Variants in PLAC8 observed in about 807,000 individuals in gnomAD.
PLAC8 encodes the protein placenta associated 8.
A neutral mutation model predicts 12.6 loss-of-function variants in PLAC8; 6 were observed. The observed-to-expected ratio is 0.48, with a 90% CI of 0.26 to 0.94. The LOEUF (loss-of-function observed/expected upper bound fraction) is 0.94, where lower values mean the gene tolerates loss of function less well. Among genes scored for constraint, PLAC8 ranks in the 40% least tolerant of loss-of-function variants. PLAC8 has a pLI of 0.14. For synonymous variants in PLAC8, 54 were observed against 52.6 expected, an observed-to-expected ratio of 1.03 and a Z score of -0.11; for missense variants, 122 against 152.7, an observed-to-expected ratio of 0.80 and a Z score of 1.06.
intron 3 of PLAC8, among the ~76,000 whole-genome samples, chr4:83,099,236 C>CT (rs34231782): frequency 5.2e-4 from 77 of 147,274 alleles, no homozygotes; most frequent in Admixed American, 8.1e-4. Context: ...TCAGCTATAA[C>CT]TTTTTTTTTT....
intron 3 of PLAC8, among the ~76,000 whole-genome samples, chr4:83,099,081 A>G (rs540499562): frequency 2.6e-5 from 4 of 152,252 alleles, no homozygotes; most frequent in African/African-American, 9.6e-5. Context: ...AATAATAATT[A>G]TAATTATTAT....
intron 4 of PLAC8, chr4:83,093,627 A>G (rs1359223515): frequency 6.6e-6 from 1 of 152,220 alleles, no homozygotes; most frequent in Non-Finnish European, 1.5e-5. Flanking sequence ...TCACCTATAC[A>G]TCTTACAAGA....
At chr4:83,091,516 A>G (rs1209617041) in intron 4 of PLAC8, among the ~76,000 whole-genome samples, 13 of 152,218 alleles carry the variant, frequency 8.5e-5, no homozygotes, top group Non-Finnish European at 1.0e-4. Context: ...CAAACTATCA[A>G]TATGACTTAT....
intron 3 of PLAC8, among the ~76,000 whole-genome samples, chr4:83,100,247 C>G (rs556838120): frequency 2.0e-5 from 3 of 149,120 alleles, no homozygotes; most frequent in East Asian, 2.0e-4. Context: ...TGCCACTGCA[C>G]TCCAGCCTGG....
chr4:83,113,406 C>T (rs1026621457), intron 1 of PLAC8, among the ~76,000 whole-genome samples: 1 of 152,204 alleles, frequency 6.6e-6, no homozygotes, highest in Admixed American at 6.5e-5. Context: ...ATGCCAGTGG[C>T]CTTGCAGAGC....
intron 3 of PLAC8, among the ~76,000 whole-genome samples, chr4:83,102,378 A>C (rs1732119303): frequency 6.6e-6 from 1 of 152,110 alleles, no homozygotes; most frequent in Non-Finnish European, 1.5e-5. Flanking sequence ...ACCAAAAAAT[A>C]AAAATAAAAA....
At position 83,109,034 on chromosome 4, in the gene PLAC8, C is replaced by G. The variant is rs556404942; in HGVS notation, c.-29-1084G>C. Among the ~76,000 whole-genome samples the G allele has an allele frequency of 1.1e-4, 17 of 152,272 alleles. No individual in the cohort carries two copies. In the South Asian group the frequency reaches 2.5e-3, roughly 22 times the overall value. On this transcript the variant is annotated intron_variant, in intron 1 of 4. Transcript: ENST00000311507. ...CATTTGGTAAGGTTACTCCTCATTT[C>G]TCTACATCATGAGAGGCAGTGTAGG... is the stretch of plus-strand genomic sequence containing the variant.
rs187780634 is a variant in PLAC8 at position 83,101,895 on chromosome 4, G to A, written c.243+3001C>T. Among the ~76,000 whole-genome samples the A allele has an allele frequency of 7.4e-3, 1,124 of 152,260 alleles. 14 individuals carry two copies. Among genetic ancestry groups the A allele is most frequent in the African/African-American group, 0.025 (1,046 of 41,538 alleles). ...ACCACAAAACCTGATGACAGCACGT[G>A]TTGACAGCATTGTTTACCAAATATT... On this transcript the variant is annotated intron_variant, in intron 3 of 4. Coordinates refer to ENST00000311507, the MANE Select transcript of PLAC8 (RefSeq NM_016619.3).
rs377136045 is a variant in PLAC8, at chr4:83,106,262, G to A, written c.119-1242C>T. On this transcript the variant is annotated intron_variant, in intron 2 of 4. Transcript: ENST00000311507. ...GATCTGCCCGCCTTGGCCTCCCAAA[G>A]TGCTGGGATTACAGGTGTGAGCCAC... Among the ~76,000 whole-genome samples the A allele has an allele frequency of 1.5e-3, 226 of 152,006 alleles. 7 individuals are homozygous for A. In the South Asian group the frequency reaches 0.046, roughly 31 times the overall value.
chr4:83,101,672 T>C (rs1732105699), intron 3 of PLAC8, among the ~76,000 whole-genome samples: 1 of 152,252 alleles, frequency 6.6e-6, no homozygotes, highest in South Asian at 2.1e-4. Flanking sequence ...AGTCCGTGCC[T>C]GTATTCAAAG....
At chr4:83,108,523 G>T (rs965139444) in intron 1 of PLAC8, among the ~76,000 whole-genome samples, 1 of 152,196 alleles carries the variant, frequency 6.6e-6, no homozygotes, top group African/African-American at 2.4e-5. Context: ...GAACCGGGAA[G>T]GTGGAGGTTG....
intron 1 of PLAC8, chr4:83,109,979 G>A (rs1163004717): frequency 6.6e-6 from 1 of 152,216 alleles, no homozygotes; most frequent in Admixed American, 6.5e-5. Flanking sequence ...GCTGCCCTCG[G>A]GGGACCATTC....
chr4:83,097,812 G>C (rs1362162562), intron 3 of PLAC8, among the ~76,000 whole-genome samples: 1 of 151,806 alleles, frequency 6.6e-6, no homozygotes, highest in Non-Finnish European at 1.5e-5. Flanking sequence ...AGAAGGCATA[G>C]GAATATGGCT....
chr4:83,099,002 T>A (rs1050514239), intron 3 of PLAC8, among the ~76,000 whole-genome samples: 1 of 152,126 alleles, frequency 6.6e-6, no homozygotes, highest in Non-Finnish European at 1.5e-5. Flanking sequence ...TGTGTAAATG[T>A]GTTATTGGTG....
At chr4:83,098,136 C>T (rs1189808399) in intron 3 of PLAC8, among the ~76,000 whole-genome samples, 2 of 152,068 alleles carry the variant, frequency 1.3e-5, no homozygotes, top group African/African-American at 2.4e-5. Flanking sequence ...GGATTACAGG[C>T]GTGAGCCACC....
intron 1 of PLAC8, among the ~76,000 whole-genome samples, chr4:83,110,259 C>T (rs2126144301): frequency 6.6e-6 from 1 of 150,930 alleles, no homozygotes; most frequent in Non-Finnish European, 1.5e-5. Flanking sequence ...CTCCCCCGCC[C>T]GCTGATTTGA....
intron 3 of PLAC8, among the ~76,000 whole-genome samples, chr4:83,103,343 C>T (rs185895977): frequency 1.1e-3 from 168 of 151,606 alleles, no homozygotes; most frequent in African/African-American, 3.9e-3. Context: ...TGCAGTGAGC[C>T]GAGATCTCAC....
intron 1 of PLAC8, among the ~76,000 whole-genome samples, chr4:83,111,424 T>A (rs1732420599): frequency 6.6e-6 from 1 of 151,476 alleles, no homozygotes; most frequent in Non-Finnish European, 1.5e-5. Context: ...CCTAGCACTT[T>A]GGGAGGCCAA....
intron 2 of PLAC8, among the ~76,000 whole-genome samples, chr4:83,107,178 G>T (rs1213939892): frequency 2.0e-5 from 3 of 150,298 alleles, no homozygotes; most frequent in Admixed American, 6.6e-5. Flanking sequence ...CCAGCCAGGG[G>T]GACAAGAGTG....
Sources: allele counts gnomAD v4.1 joint callset (sites outside exome capture counted in the v4.1 genomes callset), GRCh38; gene constraint gnomAD v4.1.1; transcripts MANE v1.5; gene names NCBI Gene and HGNC (gene_info 2026-07-23, HGNC 2026-07-21).